Variants in PTPN14 observed in about 807,000 individuals in gnomAD.
PTPN14 encodes protein tyrosine phosphatase non-receptor type 14.
A neutral mutation model predicts 126.8 loss-of-function variants in PTPN14; 53 were observed. The ratio of observed to expected loss-of-function variants is 0.42; its 90% confidence interval spans 0.34 to 0.53. The LOEUF (loss-of-function observed/expected upper bound fraction) is 0.53. PTPN14 is among the 20% of genes least tolerant of loss of function. PTPN14 has a pLI of 0.08. For missense variants in PTPN14, 1,257 were observed against 1,552.9 expected, an observed-to-expected ratio of 0.81 and a Z score of 3.20; for synonymous variants, 630 against 599.3, an observed-to-expected ratio of 1.05 and a Z score of -0.75.
chr1:214,426,032 C>CAAAAAAAAAAAAAAAAAAAAAAAAA (rs66656875), intron 3 of PTPN14, among the ~76,000 whole-genome samples: 1 of 33,850 alleles, frequency 3.0e-5, no homozygotes, highest in Non-Finnish European at 5.0e-5. Context: ...GCATAAATCG[C>CAAAAAAAAAAAAAAAAAAAAAAAAA]AAAAAAAAAA....
intron 18 of PTPN14, among the ~76,000 whole-genome samples, chr1:214,358,766 G>C (rs1322232713): frequency 4.8e-5 from 7 of 145,134 alleles, no homozygotes; most frequent in African/African-American, 1.8e-4. Context: ...TTTTGAGACA[G>C]AGTTTCACTC....
At position 214,369,542 on chromosome 1, in the gene PTPN14, C is replaced by T; in HGVS notation, c.3186G>A (p.Leu1062=). 2.5e-6 allele frequency: 4 copies of T among 1,614,174 alleles called. No homozygotes were observed. Among genetic ancestry groups the T allele is most frequent in the Non-Finnish European group, 3.4e-6 (4 of 1,180,046 alleles). Residue 1062 remains leucine (L), a synonymous_variant, in exon 17 of 19, where the codon TTG becomes TTA. Coordinates refer to ENST00000366956, the MANE Select transcript of PTPN14 (RefSeq NM_005401.5). The stretch of plus-strand genomic sequence containing the variant: ...GCCACACCGTCCTTTCTTGCCCAGA[C>T]AAAAGGTGCTTGACCTTCAAGCCCG... The part of the protein sequence containing the change: ...ATTGLKVKHL[L]SGQERTVWHL...
At chr1:214,450,010 G>A (rs1660236827) in intron 3 of PTPN14, among the ~76,000 whole-genome samples, 1 of 151,906 alleles carries the variant, frequency 6.6e-6, no homozygotes, top group Non-Finnish European at 1.5e-5. Flanking sequence ...GCACATGCCT[G>A]TAGTCCCAGC....
intron 3 of PTPN14, among the ~76,000 whole-genome samples, chr1:214,443,869 G>T (rs1453579249): frequency 6.6e-6 from 1 of 152,186 alleles, no homozygotes; most frequent in Non-Finnish European, 1.5e-5. Context: ...CCTTCTCCTG[G>T]AAGTAAATAG....
chr1:214,410,527 G>A (rs1350198757), intron 5 of PTPN14, among the ~76,000 whole-genome samples: 1 of 152,174 alleles, frequency 6.6e-6, no homozygotes, highest in African/African-American at 2.4e-5. Context: ...TTTTGACCTT[G>A]TGATCCGGCC....
At chr1:214,499,607 C>T (rs12753039) in intron 1 of PTPN14, among the ~76,000 whole-genome samples, 34,968 of 151,994 alleles carry the variant, frequency 0.23, 5,581 homozygotes, top group African/African-American at 0.46. Flanking sequence ...CACATTGTAT[C>T]TCTTCCCTCA....
intron 1 of PTPN14, among the ~76,000 whole-genome samples, chr1:214,492,308 A>G (rs993842761): frequency 2.2e-5 from 3 of 139,396 alleles, no homozygotes; most frequent in Non-Finnish European, 4.7e-5. Flanking sequence ...CACTTAGGAG[A>G]TAAGATGGCC....
At chr1:214,520,071 T>G (rs35489560) in intron 1 of PTPN14, among the ~76,000 whole-genome samples, 3 of 119,142 alleles carry the variant, frequency 2.5e-5, no homozygotes, top group African/African-American at 1.0e-4. Context: ...AAAAAATATA[T>G]ATATATATAT....
In PTPN14 at chr1:214,351,180, A is replaced by T. The variant is rs548622927; in HGVS notation, c.*6742T>A. 6.6e-6 allele frequency: 1 copy of T among 151,994 alleles called. No individual in the cohort carries two copies. Among genetic ancestry groups the T allele is most frequent in the East Asian group, 1.9e-4 (1 of 5,130 alleles). 9.4% of individuals were successfully genotyped at this position (151,994 alleles called of 1,614,324 possible). A position where few individuals can be genotyped will look rare whatever the true frequency, so the allele number is the denominator to read the frequency against. ...GCCAACATGGCAAAACCCCGTCTCTACTAAAAATATAAAAATTAGCCGGGT... is the reference window on the plus strand; with the variant it reads ...GCCAACATGGCAAAACCCCGTCTCTTCTAAAAATATAAAAATTAGCCGGGT... On this transcript the variant is annotated 3_prime_UTR_variant, in exon 19 of 19. Transcript: ENST00000366956.
chr1:214,449,746 C>T (rs1558107483), intron 3 of PTPN14, among the ~76,000 whole-genome samples: 1 of 152,036 alleles, frequency 6.6e-6, no homozygotes. Context: ...ACATGAAAAA[C>T]TGAACACTAG....
intron 2 of PTPN14, 29 bp downstream of exon 2, chr1:214,464,601 A>T: frequency 6.2e-7 from 1 of 1,607,256 alleles, no homozygotes; most frequent in Non-Finnish European, 8.5e-7. Flanking sequence ...ATGCACGCGC[A>T]CATGCGCACA....
intron 1 of PTPN14, among the ~76,000 whole-genome samples, chr1:214,506,051 C>G (rs181302013): frequency 6.6e-6 from 1 of 152,178 alleles, no homozygotes; most frequent in Admixed American, 6.5e-5. Context: ...ACTGCTTAGG[C>G]AGCAGTGAGA....
At chr1:214,470,438 T>C (rs1311359272) in intron 1 of PTPN14, among the ~76,000 whole-genome samples, 1 of 152,080 alleles carries the variant, frequency 6.6e-6, no homozygotes, top group Non-Finnish European at 1.5e-5. Context: ...ATTGGGGTAA[T>C]GGTTACACTA....
chr1:214,532,803 G>A, intron 1 of PTPN14: 2 of 866,998 alleles, frequency 2.3e-6, no homozygotes, highest in Non-Finnish European at 3.9e-6. Context: ...CTCTCAAGGA[G>A]GAGCTGCTCT....
At chr1:214,358,082 G>C in intron 18 of PTPN14, 32 bp from the exon 19 acceptor site, 1 of 1,608,014 alleles carries the variant, frequency 6.2e-7, no homozygotes, top group Non-Finnish European at 8.5e-7. Context: ...ACAAGGTCCT[G>C]AGACAGGAGG....
chr1:214,368,997 A>G (rs1399604084), intron 17 of PTPN14, among the ~76,000 whole-genome samples: 1 of 152,032 alleles, frequency 6.6e-6, no homozygotes, highest in Non-Finnish European at 1.5e-5. Context: ...AAAATTTGTA[A>G]TTTCCCAATC....
intron 1 of PTPN14, among the ~76,000 whole-genome samples, chr1:214,526,262 G>A (rs185658363): frequency 1.5e-4 from 23 of 152,200 alleles, no homozygotes; most frequent in Non-Finnish European, 2.6e-4. Context: ...CACCACGCCC[G>A]GCCAAGCTAG....
chr1:214,481,746 G>A (rs1660993357), intron 1 of PTPN14, among the ~76,000 whole-genome samples: 1 of 152,056 alleles, frequency 6.6e-6, no homozygotes, highest in Non-Finnish European at 1.5e-5. Context: ...AACACTTTGG[G>A]AGGCCGAGGC....
intron 3 of PTPN14, among the ~76,000 whole-genome samples, chr1:214,425,537 C>T (rs181556024): frequency 7.2e-5 from 11 of 152,212 alleles, no homozygotes; most frequent in African/African-American, 2.6e-4. Context: ...CTGTATTTCC[C>T]CCAACAGACC....
Sources: gnomAD v4.1 joint callset for allele counts (sites outside exome capture counted in the v4.1 genomes callset) on GRCh38, gnomAD v4.1.1 for gene constraint, MANE v1.5 for transcripts, NCBI Gene and HGNC (gene_info 2026-07-23, HGNC 2026-07-21) for gene names.